The following PTBP2 variants were observed in gnomAD, a reference collection of about 807,000 sequenced individuals.
PTBP2 encodes polypyrimidine tract-binding protein 2.
In PTBP2, 13 loss-of-function variants were observed where a neutral mutation model predicts 61.4. The ratio of observed to expected loss-of-function variants is 0.21; its 90% confidence interval spans 0.14 to 0.34. The LOEUF is 0.34. Among genes scored for constraint, PTBP2 ranks in the 10% least tolerant of loss-of-function variants. The pLI is 1.00. For synonymous variants in PTBP2, 215 were observed against 218.5 expected (o/e 0.98, Z 0.14); for missense variants, 405 against 642.6 (o/e 0.63, Z 4.00).
At chr1:96,779,644 T>G (rs10489797) in intron 7 of PTBP2, among the ~76,000 whole-genome samples, 30,922 of 151,988 alleles carry the variant, frequency 0.2, 3,337 homozygotes, top group African/African-American at 0.27. Flanking sequence ...AGATCTAAAG[T>G]TATAATTCTA....
chr1:96,751,266 A>G (rs1433190460), intron 2 of PTBP2, 159 bp from the exon 3 acceptor site: 5 of 696,896 alleles, frequency 7.2e-6, no homozygotes, highest in African/African-American at 7.0e-5. Context: ...GGAGAGGGAT[A>G]GATGGGAGAG....
chr1:96,751,571 C>CATT, intron 3 of PTBP2, 71 bp downstream of exon 3: 1 of 1,112,658 alleles, frequency 9.0e-7, no homozygotes, highest in Non-Finnish European at 1.3e-6. Flanking sequence ...TCAAATTTAA[C>CATT]CCTGTTATAC....
rs10533173 is a variant in PTBP2 at position 96,738,234 on chromosome 1, G to GTATA, written c.40-13180_40-13177dup. ...AGTTCAACTATTATAAAAAGGAGTG[G>GTATA]TATATATATATATAAACTCTTGCTT... On this transcript the variant is annotated intron_variant, in intron 2 of 13. Coordinates refer to ENST00000674951, the MANE Select transcript of PTBP2 (RefSeq NM_021190.4). 1.3e-4 allele frequency among the ~76,000 whole-genome samples: 19 copies of GTATA among 151,476 alleles called. No homozygotes were observed. In the East Asian group the frequency reaches 2.9e-3, roughly 23 times the overall value.
chr1:96,806,706 C>T, intron 10 of PTBP2, 160 bp from the exon 11 acceptor site: 1 of 678,512 alleles, frequency 1.5e-6, no homozygotes, highest in South Asian at 1.8e-5. Flanking sequence ...ATTCACTGTT[C>T]AAAATCTTGA....
chr1:96,823,584 A>G (rs946485425), exon 14 of PTBP2: 3 of 152,224 alleles, frequency 2.0e-5, no homozygotes, highest in Non-Finnish European at 4.4e-5. Context: ...TAATTTGAGT[A>G]GAATTATACG....
At chr1:96,765,762 A>G (rs1557728059) in intron 3 of PTBP2, among the ~76,000 whole-genome samples, 1 of 149,982 alleles carries the variant, frequency 6.7e-6, no homozygotes, top group Non-Finnish European at 1.5e-5. Context: ...TGTGAAACCC[A>G]GTGCTAGAGT....
intron 11 of PTBP2, among the ~76,000 whole-genome samples, chr1:96,810,692 C>T (rs1483077042): frequency 1.3e-5 from 2 of 152,110 alleles, no homozygotes; most frequent in Non-Finnish European, 2.9e-5. Flanking sequence ...AACGTTAAGT[C>T]TACTTATTTA....
intron 3 of PTBP2, 73 bp downstream of exon 3, chr1:96,751,573 C>T: frequency 9.0e-7 from 1 of 1,112,000 alleles, no homozygotes; most frequent in Non-Finnish European, 1.3e-6. Context: ...AAATTTAACC[C>T]TGTTATACCA....
chr1:96,734,327 T>C (rs1651851404), intron 2 of PTBP2, among the ~76,000 whole-genome samples: 1 of 152,190 alleles, frequency 6.6e-6, no homozygotes, highest in African/African-American at 2.4e-5. Context: ...CTTTAAAGAA[T>C]AGGGACTCTC....
chr1:96,785,274 A>G lies in PTBP2; in HGVS notation c.904+20A>G, dbSNP rs1229567697. 1 of 1,519,052 alleles carries G rather than the reference A, an allele frequency of 6.6e-7. No homozygotes were observed. Among genetic ancestry groups the G allele is most frequent in the Non-Finnish European group, 8.8e-7 (1 of 1,137,128 alleles). 94.1% of individuals were successfully genotyped at this position (1,519,052 alleles called of 1,614,324 possible). Reference sequence around the variant, plus strand: ...TCTTAGGTATGATTTTTATTGTCTTAACCACTTTTCTCCCATTTTGCCAAA... The same window carrying G: ...TCTTAGGTATGATTTTTATTGTCTTGACCACTTTTCTCCCATTTTGCCAAA... On this transcript the variant is annotated intron_variant, in intron 8 of 13. Coordinates refer to ENST00000674951, the MANE Select transcript of PTBP2 (RefSeq NM_021190.4).
chr1:96,812,351 G>C (rs1215550169), intron 11 of PTBP2, among the ~76,000 whole-genome samples: 1 of 152,166 alleles, frequency 6.6e-6, no homozygotes, highest in African/African-American at 2.4e-5. Context: ...CAATTAGGAG[G>C]AAGGCTATCA....
intron 8 of PTBP2, among the ~76,000 whole-genome samples, chr1:96,787,473 A>G (rs1659337012): frequency 6.6e-6 from 1 of 152,172 alleles, no homozygotes; most frequent in Non-Finnish European, 1.5e-5. Context: ...TCTCTGCCTC[A>G]TAAGAAAAAG....
At chr1:96,777,774 T>C (rs773383830) in intron 6 of PTBP2, 25 bp downstream of exon 6, 1 of 1,556,114 alleles carries the variant, frequency 6.4e-7, no homozygotes, top group Non-Finnish European at 8.8e-7. Context: ...CATAATTACC[T>C]ATAAATTAGA....
At chr1:96,801,983 G>A (rs979519082) in intron 8 of PTBP2, among the ~76,000 whole-genome samples, 2 of 151,692 alleles carry the variant, frequency 1.3e-5, no homozygotes, top group Non-Finnish European at 2.9e-5. Context: ...AGGCCGAGAC[G>A]GGTGGATCAC....
intron 5 of PTBP2, among the ~76,000 whole-genome samples, chr1:96,773,712 C>T (rs1250033885): frequency 6.6e-6 from 1 of 151,834 alleles, no homozygotes. Flanking sequence ...CGTGGTGGCT[C>T]ACACTTGTAA....
intron 1 of PTBP2, 112 bp downstream of exon 1, chr1:96,721,984 G>GAAA: frequency 1.8e-5 from 26 of 1,406,366 alleles, no homozygotes; most frequent in Non-Finnish European, 2.6e-5. Flanking sequence ...GGGCTGGGCT[G>GAAA]CCGTTACCCA....
intron 2 of PTBP2, among the ~76,000 whole-genome samples, chr1:96,749,233 C>T (rs1654229657): frequency 6.6e-6 from 1 of 152,138 alleles, no homozygotes; most frequent in Non-Finnish European, 1.5e-5. Flanking sequence ...CAAGATTCCC[C>T]ACCTATCGTC....
At chr1:96,746,913 CCCTT>C (rs1214485803) in intron 2 of PTBP2, among the ~76,000 whole-genome samples, 27 of 29,514 alleles carry the variant, frequency 9.1e-4, no homozygotes, top group African/African-American at 2.9e-3. Flanking sequence ...CTCCCTCCCT[CCCTT>C]CCTTCCTTCC....
chr1:96,747,169 C>A (rs1237395107), intron 2 of PTBP2, among the ~76,000 whole-genome samples: 1 of 151,642 alleles, frequency 6.6e-6, no homozygotes, highest in Non-Finnish European at 1.5e-5. Context: ...CCACAAATTC[C>A]CTTTGCATCT....
Sources: allele counts gnomAD v4.1 joint callset (sites outside exome capture counted in the v4.1 genomes callset), GRCh38; gene constraint gnomAD v4.1.1; transcripts MANE v1.5; gene names NCBI Gene and HGNC (gene_info 2026-07-23, HGNC 2026-07-21).